MCF2: variants seen among roughly 807,000 people sequenced by gnomAD.
The protein encoded by MCF2 is proto-oncogene DBL.
MCF2 carries 44 observed loss-of-function variants against 82.5 expected under a neutral mutation model. The ratio of observed to expected loss-of-function variants is 0.53; its 90% CI spans 0.42 to 0.69. The LOEUF (loss-of-function observed/expected upper bound fraction) is 0.69, where lower values mean the gene tolerates loss of function less well. Among genes scored for constraint, MCF2 ranks in the 30% least tolerant of loss-of-function variants. The pLI is 0.00. For missense variants in MCF2, 623 were observed against 663.1 expected, an observed-to-expected ratio of 0.94 and a Z score of 0.66; for synonymous variants, 217 against 224.9, an observed-to-expected ratio of 0.96 and a Z score of 0.32.
At chrX:139,669,227 G>C (rs1379829644) in intron 1 of MCF2, among the ~76,000 whole-genome samples, 1 of 111,781 alleles carries the variant, frequency 8.9e-6, no homozygotes, top group African/African-American at 3.3e-5. Flanking sequence ...CAAAATATTT[G>C]AATAGACATA....
At chrX:139,702,667 T>C (rs986573446) in intron 1 of MCF2, among the ~76,000 whole-genome samples, 1 of 112,473 alleles carries the variant, frequency 8.9e-6, no homozygotes, top group African/African-American at 3.2e-5. Flanking sequence ...CTGAAAAAGA[T>C]TGGTGAAACT....
chrX:139,659,093 T>A (rs903613773), intron 1 of MCF2, among the ~76,000 whole-genome samples: 4 of 110,854 alleles, frequency 3.6e-5, no homozygotes, highest in Non-Finnish European at 7.6e-5. Context: ...ATGGAGACTA[T>A]CCTGGCCAAC....
At chrX:139,613,239 TGAAAGAAAGAGTATC>T (rs1382092450) in intron 10 of MCF2, 1 of 1,149,968 alleles carries the variant, frequency 8.7e-7, no homozygotes, top group Non-Finnish European at 1.2e-6. Context: ...TTTACATGCT[TGAAAGAAAGAGTATC>T]CAACTCCCAC....
intron 6 of MCF2, among the ~76,000 whole-genome samples, chrX:139,620,915 T>A (rs182440494): frequency 1.0e-3 from 112 of 111,538 alleles, no homozygotes; most frequent in African/African-American, 2.9e-3. Flanking sequence ...AAAGCAATCA[T>A]AAGCAAAAAG....
At chrX:139,633,325 C>A (rs1307882038) in intron 1 of MCF2, among the ~76,000 whole-genome samples, 3 of 111,772 alleles carry the variant, frequency 2.7e-5, no homozygotes, top group Non-Finnish European at 1.9e-5. Flanking sequence ...AGTAACATAT[C>A]CCAATTTTAA....
At chrX:139,642,360 C>T in intron 1 of MCF2, 1 of 1,022,262 alleles carries the variant, frequency 9.8e-7, no homozygotes, top group Non-Finnish European at 1.4e-6. Context: ...TTCTCTCCAT[C>T]TGTCCTTAAA....
chrX:139,705,868 G>C (rs111887255), intron 1 of MCF2, among the ~76,000 whole-genome samples: 25 of 112,223 alleles, frequency 2.2e-4, no homozygotes, highest in African/African-American at 8.1e-4. Context: ...AAATTAACAA[G>C]TAAAAACCAA....
intron 1 of MCF2, among the ~76,000 whole-genome samples, chrX:139,705,664 T>G (rs949439684): frequency 1.8e-5 from 2 of 112,281 alleles, no homozygotes; most frequent in Non-Finnish European, 3.8e-5. Context: ...GTAAAGAATT[T>G]TTGGCTAAGT....
At chrX:139,626,292 T>C in exon 6 of MCF2, 6 of 1,167,296 alleles carry the variant, frequency 5.1e-6, no homozygotes, top group Non-Finnish European at 3.5e-6. Flanking sequence ...CCATATCATG[T>C]ACTTGAGTCA....
intron 16 of MCF2, among the ~76,000 whole-genome samples, chrX:139,601,280 T>C (rs1930538184): frequency 9.0e-6 from 1 of 111,504 alleles, no homozygotes; most frequent in African/African-American, 3.3e-5. Context: ...GTTATCACCC[T>C]AATACTAGCA....
chrX:139,694,637 T>G (rs1935344825), intron 1 of MCF2, among the ~76,000 whole-genome samples: 1 of 111,787 alleles, frequency 8.9e-6, no homozygotes, highest in East Asian at 2.8e-4. Context: ...AACCTTAAAA[T>G]ATACATACCC....
At chrX:139,694,291 A>G (rs1935336810) in intron 1 of MCF2, among the ~76,000 whole-genome samples, 1 of 111,471 alleles carries the variant, frequency 9.0e-6, no homozygotes, top group African/African-American at 3.3e-5. Flanking sequence ...AAACTTCTGT[A>G]TAATTAAAAA....
chrX:139,608,183 A>G (rs927522810), intron 11 of MCF2, among the ~76,000 whole-genome samples: 6 of 110,805 alleles, frequency 5.4e-5, no homozygotes, highest in African/African-American at 1.3e-4. Flanking sequence ...TCAAAGACAC[A>G]CGACATAACT....
At chrX:139,677,372 C>T (rs1045265596) in intron 1 of MCF2, among the ~76,000 whole-genome samples, 5 of 111,743 alleles carry the variant, frequency 4.5e-5, no homozygotes, top group Non-Finnish European at 9.4e-5. Flanking sequence ...GTGTACTTTA[C>T]TTCCTTTCAT....
chrX:139,675,636 G>A (rs1934843077), intron 1 of MCF2, among the ~76,000 whole-genome samples: 1 of 112,394 alleles, frequency 8.9e-6, no homozygotes, highest in African/African-American at 3.2e-5. Flanking sequence ...AGCGGAGGCT[G>A]CAGAACAGCA....
At chrX:139,612,737 T>C (rs1931592880) in intron 10 of MCF2, among the ~76,000 whole-genome samples, 1 of 111,763 alleles carries the variant, frequency 8.9e-6, no homozygotes, top group South Asian at 3.7e-4. Flanking sequence ...ACAAGGTTTG[T>C]AGCATACATA....
At chrX:139,645,967 A>C (rs1933788879), upstream of MCF2, among the ~76,000 whole-genome samples, 1 of 111,789 alleles carries the variant, frequency 8.9e-6, no homozygotes, top group Non-Finnish European at 1.9e-5. Context: ...AAAACTCAAA[A>C]GATAAGTGTC....
chrX:139,639,114 A>G (rs1210940505), intron 1 of MCF2, among the ~76,000 whole-genome samples: 2 of 111,047 alleles, frequency 1.8e-5, no homozygotes, highest in African/African-American at 6.5e-5. Context: ...ATATTTCTAA[A>G]TTCTTGGGTA....
chrX:139,594,730 T>A (rs1368752034), intron 19 of MCF2, among the ~76,000 whole-genome samples: 1 of 108,117 alleles, frequency 9.2e-6, no homozygotes, highest in African/African-American at 3.4e-5. Flanking sequence ...ACAAATGGGA[T>A]CTAATTAAAC....
Sources: gnomAD v4.1 joint callset for allele counts (sites outside exome capture counted in the v4.1 genomes callset) on GRCh38, gnomAD v4.1.1 for gene constraint, MANE v1.5 for transcripts, NCBI Gene and HGNC (gene_info 2026-07-23, HGNC 2026-07-21) for gene names.